ARID1B: variants seen among roughly 807,000 people sequenced by gnomAD.
The protein encoded by ARID1B is AT-rich interaction domain 1B.
Under a neutral mutation model 212.3 loss-of-function variants are expected in ARID1B, and 30 were observed. The observed-to-expected ratio is 0.14, with a 90% CI of 0.11 to 0.19. ARID1B has a LOEUF of 0.19. Ranked by LOEUF, ARID1B falls within the 10% of genes least tolerant of loss-of-function variation. The probability of loss-of-function intolerance (pLI) is 1.00; values close to 1 mark genes in which losing one functional copy is unlikely to be tolerated. For synonymous variants in ARID1B, 1,402 were observed against 1,301.7 expected, an observed-to-expected ratio of 1.08 and a Z score of -1.66; for missense variants, 2,891 against 3,204.0, an observed-to-expected ratio of 0.90 and a Z score of 2.36.
At chr6:157,035,696 G>T (rs1457881409) in intron 4 of ARID1B, among the ~76,000 whole-genome samples, 1 of 152,168 alleles carries the variant, frequency 6.6e-6, no homozygotes, top group African/African-American at 2.4e-5. Flanking sequence ...TGAAAACGAG[G>T]CTGCTCATCT....
chr6:156,824,720 G>A (rs1782619699), intron 1 of ARID1B, among the ~76,000 whole-genome samples: 1 of 152,066 alleles, frequency 6.6e-6, no homozygotes, highest in African/African-American at 2.4e-5. Context: ...AGCTGAGATT[G>A]TGCCACTGCA....
rs938985831 is a variant in ARID1B at position 156,778,807 on chromosome 6, G to C, written c.1127G>C (p.Ser376Thr). 5 of 1,494,910 alleles carry C rather than the reference G, an allele frequency of 3.3e-6. No homozygotes were observed. In the African/African-American group the frequency reaches 7.4e-5, roughly 22 times the overall value. The allele number at this position is 1,494,910 out of a possible 1,614,324, so 92.6% of individuals were successfully genotyped here. Residue 376 changes from serine (S) to threonine (T), a missense_variant, in exon 1 of 20, where the codon AGC becomes ACC. By Grantham distance (58) the Ser-to-Thr change is moderately conservative (BLOSUM62 1). Coordinates refer to ENST00000636930, the MANE Select transcript of ARID1B (RefSeq NM_001374828.1). ...LQNSHEGYPN[S>T]QCNHYPGYSR... Reference sequence around the variant, plus strand: ...AACTCCCACGAAGGGTACCCCAACAGCCAGTGCAACCATTATCCGGGCTAC... The same window carrying C: ...AACTCCCACGAAGGGTACCCCAACACCCAGTGCAACCATTATCCGGGCTAC...
intron 4 of ARID1B, among the ~76,000 whole-genome samples, chr6:157,011,982 G>A (rs1779638723): frequency 6.6e-6 from 1 of 152,196 alleles, no homozygotes; most frequent in Non-Finnish European, 1.5e-5. Flanking sequence ...CATCTATAAA[G>A]AAATAGACTG....
chr6:156,850,732 T>C (rs1350483554), intron 2 of ARID1B, among the ~76,000 whole-genome samples: 2 of 152,228 alleles, frequency 1.3e-5, no homozygotes, highest in Non-Finnish European at 2.9e-5. Context: ...TTTACTAAGG[T>C]TACCTTTTGA....
chr6:157,128,844 T>C (rs1052062896), intron 6 of ARID1B, among the ~76,000 whole-genome samples: 3 of 152,246 alleles, frequency 2.0e-5, no homozygotes. Context: ...AATTATAAAA[T>C]ATCTCTGAAA....
rs2128462165 is a variant in ARID1B at position 157,084,686 on chromosome 6, C to T, written c.2272C>T (p.Leu758Phe). 3 of 1,614,164 alleles carry T rather than the reference C, an allele frequency of 1.9e-6. No individual in the cohort carries two copies. The highest frequency in any genetic ancestry group is 2.5e-6 in the Non-Finnish European group (3 of 1,180,036). ...GGATCTGTCTGGCTCCATTGATGACCTCCCCACGGGAACGGAAGCAACTTT... is the reference window on the plus strand; with the variant it reads ...GGATCTGTCTGGCTCCATTGATGACTTCCCCACGGGAACGGAAGCAACTTT... ...LPDLSGSIDD[L>F]PTGTEATLSS... The change falls in exon 5 of 20, where the codon CTC becomes TTC. Residue 758 changes from leucine to phenylalanine, a missense_variant. Transcript: ENST00000636930.
At chr6:157,097,689 GTC>G (rs761542861) in intron 5 of ARID1B, among the ~76,000 whole-genome samples, 4 of 152,194 alleles carry the variant, frequency 2.6e-5, no homozygotes, top group African/African-American at 7.2e-5. Flanking sequence ...AAAAAGGCCT[GTC>G]TCTATCCGGC....
intron 8 of ARID1B, among the ~76,000 whole-genome samples, chr6:157,157,862 A>C (rs1790674588): frequency 6.6e-6 from 1 of 152,176 alleles, no homozygotes; most frequent in African/African-American, 2.4e-5. Flanking sequence ...CTTTACAGAA[A>C]GTGAAAAACA....
intron 4 of ARID1B, among the ~76,000 whole-genome samples, chr6:157,014,585 C>CA (rs1779796868): frequency 2.0e-5 from 3 of 152,258 alleles, no homozygotes; most frequent in Middle Eastern, 3.4e-3. Flanking sequence ...GGAATATAAG[C>CA]AGTTTTTTTC....
intron 2 of ARID1B, among the ~76,000 whole-genome samples, chr6:156,894,940 G>A (rs1025070605): frequency 6.6e-6 from 1 of 152,158 alleles, no homozygotes; most frequent in African/African-American, 2.4e-5. Context: ...GACATTCACC[G>A]AGCTCTTAGT....
chr6:156,885,980 T>C (rs1787470636), intron 2 of ARID1B, among the ~76,000 whole-genome samples: 1 of 152,174 alleles, frequency 6.6e-6, no homozygotes, highest in Admixed American at 6.5e-5. Context: ...TGAGTACTGA[T>C]GTGATGCTCA....
Position 156,935,472 on chromosome 6 carries a change from TCTCA to T in ARID1B, c.2144_2147del (p.Ser715TrpfsTer22), listed in dbSNP as rs1437921264. 6.2e-7 allele frequency: 1 copy of T among 1,611,508 alleles called. No individual in the cohort carries two copies. Among genetic ancestry groups the T allele is most frequent in the Non-Finnish European group, 8.5e-7 (1 of 1,178,292 alleles). On this transcript the variant is annotated frameshift_variant, in exon 4 of 20. Transcript: ENST00000636930. LOFTEE classifies it high-confidence loss of function. ...TGTTTGTGTTTTTTTTTAGGACATG[TCTCA>T]GGAAGGCTATGGAACTAGATCTCAA...
At chr6:156,819,420 A>G (rs966371048) in intron 1 of ARID1B, among the ~76,000 whole-genome samples, 8 of 152,222 alleles carry the variant, frequency 5.3e-5, no homozygotes, top group African/African-American at 1.9e-4. Context: ...AACAATATAT[A>G]TAGCCTTTGG....
At position 156,997,817 on chromosome 6, in the gene ARID1B, C is replaced by T. The variant is rs537197801; in HGVS notation, c.2247+62241C>T. 3.9e-5 allele frequency among the ~76,000 whole-genome samples: 6 copies of T among 152,242 alleles called. No homozygotes were observed. In the South Asian group the frequency reaches 1.2e-3, roughly 32 times the overall value. ...AAGAATTGGCGTGAAACTCTGTATACATATATTATTTCTGAAAGATTTACT... is the reference window on the plus strand; with the variant it reads ...AAGAATTGGCGTGAAACTCTGTATATATATATTATTTCTGAAAGATTTACT... On this transcript the variant is annotated intron_variant, in intron 4 of 19. Coordinates refer to ENST00000636930, the MANE Select transcript of ARID1B (RefSeq NM_001374828.1).
At chr6:156,891,484 A>G (rs1787917197) in intron 2 of ARID1B, among the ~76,000 whole-genome samples, 1 of 152,242 alleles carries the variant, frequency 6.6e-6, no homozygotes, top group African/African-American at 2.4e-5. Context: ...CATGAAAAAC[A>G]GAGTTGGTTT....
intron 5 of ARID1B, among the ~76,000 whole-genome samples, chr6:157,091,948 C>T (rs866006296): frequency 2.0e-5 from 3 of 152,158 alleles, no homozygotes; most frequent in South Asian, 4.1e-4. Flanking sequence ...AAATATCTAT[C>T]GAATGTTCCT....
intron 2 of ARID1B, among the ~76,000 whole-genome samples, chr6:156,874,674 C>T (rs1192586161): frequency 2.6e-5 from 4 of 152,166 alleles, no homozygotes; most frequent in East Asian, 1.9e-4. Context: ...ACACAAACCC[C>T]GCCTTCTTAA....
intron 4 of ARID1B, among the ~76,000 whole-genome samples, chr6:156,982,925 T>G (rs886445038): frequency 1.3e-5 from 2 of 152,028 alleles, no homozygotes; most frequent in Non-Finnish European, 1.5e-5. Flanking sequence ...TTGTTCCTAT[T>G]TAAGAGTGAG....
intron 2 of ARID1B, among the ~76,000 whole-genome samples, chr6:156,896,146 T>C (rs1292070471): frequency 1.3e-5 from 2 of 152,242 alleles, no homozygotes; most frequent in African/African-American, 4.8e-5. Flanking sequence ...TTTTGTCCTC[T>C]TCTGTCAATT....
Sources: allele counts gnomAD v4.1 joint callset (sites outside exome capture counted in the v4.1 genomes callset), GRCh38; gene constraint gnomAD v4.1.1; transcripts MANE v1.5; gene names NCBI Gene and HGNC (gene_info 2026-07-23, HGNC 2026-07-21).